RFX4: variants seen among roughly 807,000 people sequenced by gnomAD.
RFX4 encodes the protein regulatory factor X4, also known as transcription factor RFX4.
Under a neutral mutation model 95.0 loss-of-function variants are expected in RFX4, and 10 were observed. That is an observed-to-expected ratio of 0.11 (90% CI 0.06 to 0.18). The LOEUF (loss-of-function observed/expected upper bound fraction) is 0.18, where lower values mean the gene tolerates loss of function less well. Ranked by LOEUF, RFX4 falls within the 10% of genes least tolerant of loss-of-function variation. The pLI is 1.00. For synonymous variants in RFX4, 321 were observed against 340.7 expected (o/e 0.94, Z 0.64); for missense variants, 640 against 922.0 (o/e 0.69, Z 3.96).
chr12:106,601,096 C>T (rs2039695775), intron 1 of RFX4: 2 of 1,395,240 alleles, frequency 1.4e-6, no homozygotes, highest in Non-Finnish European at 1.9e-6. Context: ...GGGCAGGGCC[C>T]CTTCCTGGAA....
At chr12:106,738,486 G>A (rs2137581633) in intron 15 of RFX4, among the ~76,000 whole-genome samples, 1 of 152,250 alleles carries the variant, frequency 6.6e-6, no homozygotes, top group South Asian at 2.1e-4. Context: ...CAAGGCCACA[G>A]GAATATCATA....
At chr12:106,606,211 T>C (rs1282063401) in intron 1 of RFX4, among the ~76,000 whole-genome samples, 1 of 151,968 alleles carries the variant, frequency 6.6e-6, no homozygotes, top group Non-Finnish European at 1.5e-5. Context: ...GGCAAATGGG[T>C]GAGAGGGAGA....
chr12:106,694,666 G>A (rs2041844925), intron 7 of RFX4, among the ~76,000 whole-genome samples: 1 of 152,152 alleles, frequency 6.6e-6, no homozygotes, highest in South Asian at 2.1e-4. Flanking sequence ...TAAGAGTAAT[G>A]ATTCTCAGCT....
At chr12:106,719,419 G>T (rs2042356133) in intron 11 of RFX4, among the ~76,000 whole-genome samples, 1 of 152,086 alleles carries the variant, frequency 6.6e-6, no homozygotes, top group African/African-American at 2.4e-5. Flanking sequence ...GAATTTGTTG[G>T]GTAACAACTA....
chr12:106,646,015 T>A, intron 3 of RFX4: 1 of 1,159,194 alleles, frequency 8.6e-7, no homozygotes, highest in African/African-American at 1.6e-5. Context: ...AACCACAACT[T>A]TTTTTAAAAA....
intron 2 of RFX4, among the ~76,000 whole-genome samples, chr12:106,615,581 T>C (rs1341378890): frequency 6.6e-6 from 1 of 152,200 alleles, no homozygotes; most frequent in Non-Finnish European, 1.5e-5. Flanking sequence ...AAGAACACCT[T>C]AACAACATCA....
chr12:106,674,080 C>T (rs1180879232), intron 4 of RFX4, among the ~76,000 whole-genome samples: 1 of 152,232 alleles, frequency 6.6e-6, no homozygotes, highest in African/African-American at 2.4e-5. Context: ...CTCCAGCCCC[C>T]AGACCTCTCC....
intron 4 of RFX4, among the ~76,000 whole-genome samples, chr12:106,675,798 A>C (rs973587280): frequency 1.3e-5 from 2 of 152,192 alleles, no homozygotes; most frequent in African/African-American, 4.8e-5. Context: ...TCCTGTGGGA[A>C]GGGCCAGAGT....
intron 4 of RFX4, among the ~76,000 whole-genome samples, chr12:106,666,825 A>T (rs2041186354): frequency 6.6e-6 from 1 of 152,146 alleles, no homozygotes; most frequent in Non-Finnish European, 1.5e-5. Flanking sequence ...CTAATCTATC[A>T]ATTAGAACCC....
In RFX4 at chr12:106,762,380, G is replaced by A. The variant is rs1044243932; in HGVS notation, c.*911G>A. 14 of 152,414 alleles carry A rather than the reference G, an allele frequency of 9.2e-5. No homozygotes were observed. Among genetic ancestry groups the A allele is most frequent in the Non-Finnish European group, 2.1e-4 (14 of 68,022 alleles). The allele number at this position is 152,414 out of a possible 1,614,324, so 9.4% of individuals were successfully genotyped here. Reference sequence around the variant, plus strand: ...CACCAAGTGTGAAAGTGACTTTCACGGTTCCTTCATAAAACTATAATAATA... The same window carrying A: ...CACCAAGTGTGAAAGTGACTTTCACAGTTCCTTCATAAAACTATAATAATA... On this transcript the variant is annotated 3_prime_UTR_variant, in exon 18 of 18. Transcript: ENST00000392842.
In RFX4 at chr12:106,619,359, G is replaced by A. The variant is rs138372533; in HGVS notation, c.130+10476G>A. 1.8e-3 allele frequency among the ~76,000 whole-genome samples: 274 copies of A among 152,270 alleles called. 2 individuals are homozygous for A. Among genetic ancestry groups the A allele is most frequent in the African/African-American group, 6.3e-3 (260 of 41,552 alleles). On this transcript the variant is annotated intron_variant, in intron 2 of 17. Transcript: ENST00000392842. Reference sequence around the variant, plus strand: ...GCTGGTGATAAAATTCTAGGTTGGTGAGACTTTTTTTAATTTTAATTTTCC... The same window carrying A: ...GCTGGTGATAAAATTCTAGGTTGGTAAGACTTTTTTTAATTTTAATTTTCC...
intron 8 of RFX4, among the ~76,000 whole-genome samples, chr12:106,705,369 C>T (rs2042064374): frequency 6.6e-6 from 1 of 152,152 alleles, no homozygotes; most frequent in South Asian, 2.1e-4. Flanking sequence ...GCCAGCCGCA[C>T]AAGAGGGAGG....
intron 1 of RFX4, 124 bp downstream of exon 1, chr12:106,583,487 A>G: frequency 1.2e-6 from 1 of 867,730 alleles, no homozygotes; most frequent in South Asian, 2.1e-5. Context: ...CCCAAAGAAT[A>G]ACGCAGAGCT....
rs1461166499 is a variant in RFX4 at position 106,715,555 on chromosome 12, C to T, written c.1138+11C>T. ...AACTCATCACCCAATGTAAGCTGTC[C>T]CACCAGGGATTGTTGTCCTGTTTTT... On this transcript the variant is annotated intron_variant, in intron 11 of 17. Transcript: ENST00000392842. The T allele has an allele frequency of 6.2e-7, 1 of 1,611,576 alleles. No individual in the cohort carries two copies. Among genetic ancestry groups the T allele is most frequent in the Admixed American group, 1.7e-5 (1 of 59,200 alleles).
chr12:106,711,096 A>T (rs1160212400), intron 9 of RFX4, among the ~76,000 whole-genome samples: 1 of 152,256 alleles, frequency 6.6e-6, no homozygotes, highest in Non-Finnish European at 1.5e-5. Context: ...TGATTCCTGC[A>T]ATTATTTACG....
Position 106,747,491 on chromosome 12 carries a change from G to C in RFX4, c.1688G>C (p.Gly563Ala), listed in dbSNP as rs141725430. 5.0e-6 allele frequency: 8 copies of C among 1,614,010 alleles called. No homozygotes were observed. The highest frequency in any genetic ancestry group is 1.3e-5 in the African/African-American group (1 of 74,908). Reference sequence around the variant, plus strand: ...ACATACACAGTGACGACGGCTGCTGGGTCCCCAGCTGAGAACTCCCAACAG... The same window carrying C: ...ACATACACAGTGACGACGGCTGCTGCGTCCCCAGCTGAGAACTCCCAACAG... Reference protein sequence around the residue: ...SLTYTVTTAAGSPAENSQQLP... With the variant: ...SLTYTVTTAAASPAENSQQLP... Residue 563 changes from glycine (G) to alanine (A), a missense_variant, in exon 16 of 18, where the codon GGG becomes GCG. Transcript: ENST00000392842.
chr12:106,591,662 G>T (rs1329648462), intron 1 of RFX4, among the ~76,000 whole-genome samples: 1 of 152,168 alleles, frequency 6.6e-6, no homozygotes, highest in Admixed American at 6.5e-5. Flanking sequence ...CACGTGAAAT[G>T]TACTTTCATC....
intron 6 of RFX4, 32 bp from the exon 7 acceptor site, chr12:106,689,255 C>A: frequency 6.5e-7 from 1 of 1,540,332 alleles, no homozygotes; most frequent in Non-Finnish European, 9.0e-7. Flanking sequence ...TAATGTATGT[C>A]TTTGTTGTTG....
At chr12:106,758,707 T>G (rs1434479201) in intron 17 of RFX4, among the ~76,000 whole-genome samples, 1 of 152,198 alleles carries the variant, frequency 6.6e-6, no homozygotes, top group Admixed American at 6.5e-5. Flanking sequence ...TCTAATGGGC[T>G]GGCCTCCAAA....
Sources: gnomAD v4.1 joint callset for allele counts (sites outside exome capture counted in the v4.1 genomes callset) on GRCh38, gnomAD v4.1.1 for gene constraint, MANE v1.5 for transcripts, NCBI Gene and HGNC (gene_info 2026-07-23, HGNC 2026-07-21) for gene names.